The following CDK12 variants were observed in gnomAD, a reference collection of about 807,000 sequenced individuals.
CDK12 encodes cyclin-dependent kinase 12.
Under a neutral mutation model 133.8 loss-of-function variants are expected in CDK12, and 17 were observed. The ratio of observed to expected loss-of-function variants is 0.13; its 90% CI spans 0.09 to 0.19. CDK12 has a LOEUF of 0.19. Among genes scored for constraint, CDK12 ranks in the 10% least tolerant of loss-of-function variants. The probability of loss-of-function intolerance (pLI) is 1.00; values close to 1 mark genes in which losing one functional copy is unlikely to be tolerated. For missense variants in CDK12, 1,508 were observed against 1,818.7 expected (o/e 0.83, Z 3.11); for synonymous variants, 694 against 683.6 (o/e 1.02, Z -0.24).
chr17:39,555,828 T>TACACACAC (rs60227908), intron 2 of CDK12, among the ~76,000 whole-genome samples: 148 of 108,676 alleles, frequency 1.4e-3, no homozygotes, highest in African/African-American at 4.8e-3. Context: ...ACCTCATCTC[T>TACACACAC]ACACACACAC....
intron 13 of CDK12, among the ~76,000 whole-genome samples, 191 bp downstream of exon 13, chr17:39,526,507 C>T (rs988321227): frequency 2.6e-5 from 4 of 152,112 alleles, no homozygotes; most frequent in Non-Finnish European, 4.4e-5. Context: ...TCAAAGCTTC[C>T]CAAAGCACCT....
intron 11 of CDK12, among the ~76,000 whole-genome samples, chr17:39,523,168 T>C (rs1003041922): frequency 6.6e-6 from 1 of 152,012 alleles, no homozygotes; most frequent in African/African-American, 2.4e-5. Flanking sequence ...TCCCACATTA[T>C]AGCACATAAA....
intron 5 of CDK12, among the ~76,000 whole-genome samples, chr17:39,495,074 T>G (rs2051965857): frequency 6.6e-6 from 1 of 151,682 alleles, no homozygotes; most frequent in Admixed American, 6.6e-5. Flanking sequence ...CCTGGCCCTT[T>G]CTTTCTTATT....
At chr17:39,488,841 C>T (rs888586946) in intron 2 of CDK12, among the ~76,000 whole-genome samples, 2 of 152,036 alleles carry the variant, frequency 1.3e-5, no homozygotes, top group Non-Finnish European at 2.9e-5. Context: ...GCTTTGACTT[C>T]CTGGGCTCAA....
chr17:39,483,257 C>T (rs2050862735), intron 2 of CDK12, among the ~76,000 whole-genome samples: 1 of 151,636 alleles, frequency 6.6e-6, no homozygotes, highest in Non-Finnish European at 1.5e-5. Flanking sequence ...GGTGAAATCA[C>T]TGTTTCTTTT....
chr17:39,480,279 T>TC (rs34484073), intron 2 of CDK12, among the ~76,000 whole-genome samples: 12,171 of 149,366 alleles, frequency 0.081, 799 homozygotes, highest in Admixed American at 0.13. Flanking sequence ...TTTTTTTTTT[T>TC]CCGAGACAGA....
At chr17:39,561,353 C>T (rs1052982594) in intron 3 of CDK12, among the ~76,000 whole-genome samples, 2 of 152,160 alleles carry the variant, frequency 1.3e-5, no homozygotes, top group Non-Finnish European at 2.9e-5. Context: ...TTTACAAACC[C>T]ATACATCCAC....
chr17:39,532,090 CTCTCTCTCTCTT>C lies in CDK12; in HGVS notation c.*786_*797del, dbSNP rs2054879162. ...CTTTCCTTTTTTGCTGATGTGTGCT[CTCTCTCTCTCTT>C]TCTCTCTCTCTCTCTCTCTCTCTCT... is the stretch of plus-strand genomic sequence containing the variant. On this transcript the variant is annotated 3_prime_UTR_variant, in exon 14 of 14. Transcript: ENST00000447079. 1 of 216,334 alleles carries C rather than the reference CTCTCTCTCTCTT, an allele frequency of 4.6e-6. No homozygotes were observed. Among genetic ancestry groups the C allele is most frequent in the Non-Finnish European group, 8.8e-6 (1 of 113,532 alleles). 13.4% of individuals were successfully genotyped at this position (216,334 alleles called of 1,614,324 possible).
At chr17:39,538,904 A>C (rs28526347), downstream of CDK12, among the ~76,000 whole-genome samples, 236 of 144,996 alleles carry the variant, frequency 1.6e-3, no homozygotes, top group African/African-American at 5.4e-3. Flanking sequence ...ATCTCAAATA[A>C]ATACATACAT....
upstream of CDK12, among the ~76,000 whole-genome samples, chr17:39,544,677 C>T (rs149369324): frequency 0.054 from 7,710 of 142,240 alleles, 231 homozygotes; most frequent in Non-Finnish European, 0.079. Flanking sequence ...TTGCCCAGGC[C>T]GGAGTGCAGT....
intron 3 of CDK12, among the ~76,000 whole-genome samples, chr17:39,492,550 G>A (rs2051718220): frequency 6.6e-6 from 1 of 151,388 alleles, no homozygotes; most frequent in Non-Finnish European, 1.5e-5. Context: ...TGGGACTACA[G>A]GCGCCCGCTA....
intron 10 of CDK12, among the ~76,000 whole-genome samples, chr17:39,518,884 T>G (rs2053981895): frequency 6.6e-6 from 1 of 152,048 alleles, no homozygotes; most frequent in South Asian, 2.1e-4. Context: ...TTTTTACTTG[T>G]GTTATAGCAC....
At chr17:39,544,558 A>G (rs1040148359), upstream of CDK12, among the ~76,000 whole-genome samples, 1 of 150,034 alleles carries the variant, frequency 6.7e-6, no homozygotes, top group Non-Finnish European at 1.5e-5. Flanking sequence ...GCTCACTTCA[A>G]CCTGCGCCTC....
intron 2 of CDK12, among the ~76,000 whole-genome samples, chr17:39,476,804 C>G (rs1203325016): frequency 3.5e-5 from 5 of 143,482 alleles, no homozygotes; most frequent in African/African-American, 1.3e-4. Flanking sequence ...CTCACGCAAC[C>G]TCCGCCTCCC....
At chr17:39,504,825 G>A (rs1238920534) in intron 6 of CDK12, among the ~76,000 whole-genome samples, 1 of 129,488 alleles carries the variant, frequency 7.7e-6, no homozygotes, top group Admixed American at 9.7e-5. Context: ...GTTGCAGTGA[G>A]CAGAGATTGC....
Position 39,509,691 on chromosome 17 carries a change from T to C in CDK12, c.2610-14T>C, listed in dbSNP as rs755678264. ...TGCTATGGCTTATGAAAATAATTGTTTTTTGTTTTACAGTGGGCAAATCAA... is the reference window on the plus strand; with the variant it reads ...TGCTATGGCTTATGAAAATAATTGTCTTTTGTTTTACAGTGGGCAAATCAA... On this transcript the variant is annotated splice_polypyrimidine_tract_variant and intron_variant, in intron 6 of 13. Transcript: ENST00000447079. 6 of 1,607,516 alleles carry C rather than the reference T, an allele frequency of 3.7e-6. No individual in the cohort carries two copies. In the African/African-American group the frequency reaches 4.0e-5, roughly 11 times the overall value.
chr17:39,543,105 G>A (rs1363058937), upstream of CDK12, among the ~76,000 whole-genome samples: 2 of 152,202 alleles, frequency 1.3e-5, no homozygotes, highest in Non-Finnish European at 1.5e-5. Flanking sequence ...CTATGGTGGC[G>A]GAAGGGGGTC....
chr17:39,530,366 A>G, intron 13 of CDK12: 3 of 469,610 alleles, frequency 6.4e-6, no homozygotes, highest in Non-Finnish European at 1.1e-5. Flanking sequence ...GACCAAAATC[A>G]GGATAATCAT....
At chr17:39,500,213 C>T (rs933200091) in intron 5 of CDK12, among the ~76,000 whole-genome samples, 1 of 152,080 alleles carries the variant, frequency 6.6e-6, no homozygotes, top group Non-Finnish European at 1.5e-5. Flanking sequence ...TGCCTGTATT[C>T]CCAGCTACAT....
Sources: allele counts gnomAD v4.1 joint callset (sites outside exome capture counted in the v4.1 genomes callset), GRCh38; gene constraint gnomAD v4.1.1; transcripts MANE v1.5; gene names NCBI Gene and HGNC (gene_info 2026-07-23, HGNC 2026-07-21).